Variants in CDH23 observed in about 807,000 individuals in gnomAD.
CDH23 encodes cadherin related 23, also known as cadherin-23.
A neutral mutation model predicts 317.1 loss-of-function variants in CDH23; 189 were observed. That is an observed-to-expected ratio of 0.60 (90% CI 0.53 to 0.67). CDH23 has a LOEUF of 0.67. CDH23 is among the 30% of genes least tolerant of loss of function. The pLI is 0.00. For missense variants in CDH23, 4,401 were observed against 4,592.4 expected (o/e 0.96, Z 1.20); for synonymous variants, 1,839 against 1,876.8 (o/e 0.98, Z 0.52).
At chr10:71,754,555 C>T in intron 38 of CDH23, among the ~76,000 whole-genome samples, 1 of 152,192 alleles carries the variant, frequency 6.6e-6, no homozygotes, top group East Asian at 1.9e-4. Context: ...GGGTCAGGAA[C>T]TAGGCAAGGG....
At chr10:71,805,183 T>A (rs952375658) in intron 55 of CDH23, among the ~76,000 whole-genome samples, 1 of 152,110 alleles carries the variant, frequency 6.6e-6, no homozygotes, top group Non-Finnish European at 1.5e-5. Context: ...TTCAATGAGG[T>A]TTCGAGATCT....
At position 71,405,044 on chromosome 10, in the gene CDH23, G is replaced by A. The variant is rs111264107; in HGVS notation, c.-6+7726G>A. On this transcript the variant is annotated intron_variant, in intron 1 of 69. Coordinates refer to ENST00000224721, the MANE Select transcript of CDH23 (RefSeq NM_022124.6). The stretch of plus-strand genomic sequence containing the variant: ...AAACAAAAAGGGCAGCCGCGACTCT[G>A]TCTGGGTTTCCATTTGTATCACTAA... Among the ~76,000 whole-genome samples the A allele has an allele frequency of 5.1e-3, 778 of 152,314 alleles. 13 individuals carry two copies. The highest frequency in any genetic ancestry group is 6.0e-3 in the Non-Finnish European group (411 of 68,026).
chr10:71,667,324 T>C (rs1437733247), intron 14 of CDH23, among the ~76,000 whole-genome samples: 1 of 141,596 alleles, frequency 7.1e-6, no homozygotes, highest in Non-Finnish European at 1.5e-5. Context: ...TGGAGACAAG[T>C]AGGGGTGCTG....
intron 38 of CDH23, among the ~76,000 whole-genome samples, chr10:71,762,782 G>A (rs958682429): frequency 2.0e-5 from 3 of 152,228 alleles, no homozygotes; most frequent in African/African-American, 7.2e-5. Flanking sequence ...GTGTCTGAGG[G>A]ACCGGGACAG....
chr10:71,514,545 A>C (rs1854170775), intron 6 of CDH23, among the ~76,000 whole-genome samples: 2 of 151,472 alleles, frequency 1.3e-5, no homozygotes, highest in Admixed American at 6.6e-5. Context: ...CTTGGCCCCC[A>C]CTCCCTCTGA....
At chr10:71,532,651 TAC>T (rs1292563612) in intron 6 of CDH23, among the ~76,000 whole-genome samples, 1 of 151,976 alleles carries the variant, frequency 6.6e-6, no homozygotes, top group African/African-American at 2.4e-5. Context: ...GCTTTCCTTA[TAC>T]TAAGGCCTTC....
chr10:71,412,499 T>G (rs892166813), intron 1 of CDH23, among the ~76,000 whole-genome samples: 22 of 152,190 alleles, frequency 1.4e-4, no homozygotes, highest in Admixed American at 1.3e-4. Context: ...CAGAGATGGT[T>G]GTCTTGCTGT....
At chr10:71,579,574 T>C (rs1170494533) in intron 9 of CDH23, among the ~76,000 whole-genome samples, 1 of 152,210 alleles carries the variant, frequency 6.6e-6, no homozygotes, top group Non-Finnish European at 1.5e-5. Flanking sequence ...ATTCTCCTTC[T>C]GGAGGTCTGG....
chr10:71,462,692 T>C (rs1467716308), intron 3 of CDH23, among the ~76,000 whole-genome samples: 2 of 152,190 alleles, frequency 1.3e-5, no homozygotes, highest in Non-Finnish European at 2.9e-5. Context: ...TTTAGTGAAA[T>C]AATAAATGTG....
At chr10:71,438,564 G>T (rs186733208) in intron 1 of CDH23, among the ~76,000 whole-genome samples, 79 of 152,180 alleles carry the variant, frequency 5.2e-4, no homozygotes, top group Admixed American at 2.0e-3. Context: ...AGGGATTGAG[G>T]CCTCTCCAAG....
intron 62 of CDH23, 32 bp downstream of exon 62, chr10:71,810,601 C>T (rs1410560458): frequency 6.3e-7 from 1 of 1,598,900 alleles, no homozygotes; most frequent in Admixed American, 1.7e-5. Context: ...GACTGTCAGC[C>T]TGTCTGTCTG....
At chr10:71,625,749 C>T (rs1313749865) in intron 11 of CDH23, among the ~76,000 whole-genome samples, 1 of 152,216 alleles carries the variant, frequency 6.6e-6, no homozygotes, top group Non-Finnish European at 1.5e-5. Context: ...GCCTCTTCGG[C>T]TTCCTTTCAG....
At chr10:71,740,682 C>G in intron 36 of CDH23, 140 bp from the exon 37 acceptor site, 1 of 1,193,256 alleles carries the variant, frequency 8.4e-7, no homozygotes, top group Admixed American at 2.2e-5. Context: ...CCAGGGCTGG[C>G]CAGGCCACCC....
chr10:71,614,296 A>G (rs1291986980), intron 9 of CDH23, among the ~76,000 whole-genome samples: 12 of 152,248 alleles, frequency 7.9e-5, no homozygotes, highest in Admixed American at 7.9e-4. Context: ...AGGGCCTGCT[A>G]TAGGAAAGCC....
intron 3 of CDH23, among the ~76,000 whole-genome samples, chr10:71,472,356 C>A (rs1027672521): frequency 6.6e-6 from 1 of 152,230 alleles, no homozygotes; most frequent in African/African-American, 2.4e-5. Context: ...GGCAGTGTGG[C>A]TTTCTGCTGG....
At chr10:71,748,919 C>T (rs1839921925) in intron 38 of CDH23, 1 of 152,860 alleles carries the variant, frequency 6.5e-6, no homozygotes. Flanking sequence ...GAGTAAATTT[C>T]GCTGAAAACA....
At chr10:71,681,524 T>C (rs1027662295) in intron 17 of CDH23, among the ~76,000 whole-genome samples, 25 of 152,112 alleles carry the variant, frequency 1.6e-4, no homozygotes, top group African/African-American at 6.0e-4. Flanking sequence ...CTGTTGAAGG[T>C]AAGGTCTGCA....
At chr10:71,755,549 G>A in intron 38 of CDH23, 1 of 1,336,438 alleles carries the variant, frequency 7.5e-7, no homozygotes. Flanking sequence ...GAGAGGGAAG[G>A]CCAGGAAGCA....
chr10:71,503,851 C>A (rs1260670411), intron 3 of CDH23, among the ~76,000 whole-genome samples: 1 of 152,020 alleles, frequency 6.6e-6, no homozygotes, highest in African/African-American at 2.4e-5. Context: ...GGGTAGGAAC[C>A]TTCCCAGCCA....
Sources: gnomAD v4.1 joint callset for allele counts (sites outside exome capture counted in the v4.1 genomes callset) on GRCh38, gnomAD v4.1.1 for gene constraint, MANE v1.5 for transcripts, NCBI Gene and HGNC (gene_info 2026-07-23, HGNC 2026-07-21) for gene names.